The following CHAF1B variants were observed in gnomAD, a reference collection of about 807,000 sequenced individuals.
CHAF1B encodes the protein chromatin assembly factor 1 subunit B.
A neutral mutation model predicts 60.7 loss-of-function variants in CHAF1B; 10 were observed. The ratio of observed to expected loss-of-function variants is 0.16; its 90% CI spans 0.10 to 0.28. CHAF1B has a LOEUF of 0.28. CHAF1B is among the 10% of genes least tolerant of loss of function. CHAF1B has a pLI of 1.00. For missense variants in CHAF1B, 558 were observed against 708.4 expected, an observed-to-expected ratio of 0.79 and a Z score of 2.41; for synonymous variants, 261 against 266.1, an observed-to-expected ratio of 0.98 and a Z score of 0.19.
At chr21:36,409,267 C>CTG in intron 9 of CHAF1B, 107 bp from the exon 10 acceptor site, 1 of 715,092 alleles carries the variant, frequency 1.4e-6, no homozygotes, top group Non-Finnish European at 2.4e-6. Flanking sequence ...TCCCAAAGTG[C>CTG]TGGGTTTATA....
rs370681660 is a variant in CHAF1B at position 36,387,717 on chromosome 21, A to T, written c.246A>T (p.Ala82=). 2 of 1,613,934 alleles carry T rather than the reference A, an allele frequency of 1.2e-6. No homozygotes were observed. Among genetic ancestry groups the T allele is most frequent in the Non-Finnish European group, 1.7e-6 (2 of 1,180,016 alleles). ...TTTCTCCAACTGGGGAAATTTTAGC[A>T]TCGGGAGGAGATGGTGAGTATTGCT... ...VRFSPTGEIL[A]SGGDDAVILL... The change falls in exon 3 of 14, where the codon GCA becomes GCT. Residue 82 remains alanine (A), a synonymous_variant. Transcript: ENST00000314103.
chr21:36,394,730 CTTTTTTTTTT>C, intron 5 of CHAF1B, 80 bp downstream of exon 5: 1 of 538,900 alleles, frequency 1.9e-6, no homozygotes, highest in Non-Finnish European at 3.1e-6. Context: ...CTTGCTTTAA[CTTTTTTTTTT>C]TTTTTTTTTG....
At chr21:36,385,654 G>C (rs948116107) in intron 1 of CHAF1B, among the ~76,000 whole-genome samples, 5 of 151,828 alleles carry the variant, frequency 3.3e-5, no homozygotes, top group Non-Finnish European at 7.4e-5. Flanking sequence ...CCAGCGCCCG[G>C]TCCCTGGGAA....
chr21:36,396,358 C>CAAAAAAAAAAAAAAAAAAA (rs777079304), intron 5 of CHAF1B, among the ~76,000 whole-genome samples: 4 of 52,836 alleles, frequency 7.6e-5, no homozygotes, highest in African/African-American at 2.1e-4. Flanking sequence ...CCAAAAACCT[C>CAAAAAAAAAAAAAAAAAAA]AAAAAAAAAA....
chr21:36,393,327 A>G (rs538242740), intron 4 of CHAF1B, among the ~76,000 whole-genome samples: 1 of 152,208 alleles, frequency 6.6e-6, no homozygotes, highest in South Asian at 2.1e-4. Context: ...TTTTATTTAT[A>G]TGAAACAGTC....
At chr21:36,397,550 ATTTAC>A in intron 6 of CHAF1B, 39 bp downstream of exon 6, 1 of 1,155,448 alleles carries the variant, frequency 8.7e-7, no homozygotes, top group South Asian at 1.6e-5. Context: ...ATTTCTTTGT[ATTTAC>A]TTGGAATTTT....
At chr21:36,401,293 T>TTTTTGTATA (rs1343867773) in intron 7 of CHAF1B, among the ~76,000 whole-genome samples, 1 of 145,560 alleles carries the variant, frequency 6.9e-6, no homozygotes, top group Non-Finnish European at 1.5e-5. Context: ...TATATATATG[T>TTTTTGTATA]TTTTGTATAT....
At position 36,386,052 on chromosome 21, in the gene CHAF1B, A is replaced by G. The variant is rs2086029290; in HGVS notation, c.-77-8A>G. The G allele has an allele frequency of 3.2e-6, 5 of 1,549,260 alleles. No individual in the cohort carries two copies. Among genetic ancestry groups the G allele is most frequent in the Admixed American group, 1.7e-5 (1 of 57,502 alleles). On this transcript the variant is annotated splice_polypyrimidine_tract_variant and splice_region_variant and intron_variant, in intron 1 of 13. Coordinates refer to ENST00000314103, the MANE Select transcript of CHAF1B (RefSeq NM_005441.3). ...TGCTGTTAACACTGTTGTTTAATCC[A>G]TCACCAGCATTTTGCAGCTTTCTCC...
chr21:36,385,605 C>T (rs868609449), intron 1 of CHAF1B, among the ~76,000 whole-genome samples, 154 bp downstream of exon 1: 5 of 151,714 alleles, frequency 3.3e-5, no homozygotes, highest in African/African-American at 4.8e-5. Context: ...CGGCCCCGCG[C>T]GGCCTCCTCC....
chr21:36,409,299 C>A, intron 9 of CHAF1B, 75 bp from the exon 10 acceptor site: 1 of 1,251,202 alleles, frequency 8.0e-7, no homozygotes. Flanking sequence ...CCGCGCCCTG[C>A]CAAAATGTTT....
intron 5 of CHAF1B, among the ~76,000 whole-genome samples, chr21:36,395,969 A>T (rs2086133981): frequency 6.6e-6 from 1 of 150,708 alleles, no homozygotes; most frequent in Non-Finnish European, 1.5e-5. Context: ...CAGCCAAGCC[A>T]TCCTCCATCC....
intron 8 of CHAF1B, among the ~76,000 whole-genome samples, chr21:36,405,660 G>A (rs1158996502): frequency 6.6e-6 from 1 of 152,024 alleles, no homozygotes; most frequent in East Asian, 1.9e-4. Flanking sequence ...TAAACTCCTG[G>A]GCTCAAGCAC....
At chr21:36,390,512 G>C (rs1458072652) in intron 3 of CHAF1B, among the ~76,000 whole-genome samples, 1 of 152,112 alleles carries the variant, frequency 6.6e-6, no homozygotes, top group African/African-American at 2.4e-5. Context: ...GACAATGGGT[G>C]ACCTCAGGCT....
chr21:36,404,732 CTTTT>C (rs61593376), intron 8 of CHAF1B, among the ~76,000 whole-genome samples: 25 of 50,556 alleles, frequency 4.9e-4, no homozygotes, highest in African/African-American at 8.3e-4. Context: ...TTGCGCTGGC[CTTTT>C]TTTTTTTTTT....
chr21:36,402,969 A>G (rs2086204170), intron 8 of CHAF1B, 118 bp downstream of exon 8: 1 of 792,152 alleles, frequency 1.3e-6, no homozygotes, highest in Non-Finnish European at 2.1e-6. Flanking sequence ...TCCCCGACTT[A>G]CCTGCCCATT....
intron 1 of CHAF1B, among the ~76,000 whole-genome samples, chr21:36,385,652 C>G (rs1040782628): frequency 6.6e-6 from 1 of 151,830 alleles, no homozygotes; most frequent in African/African-American, 2.4e-5. Context: ...GCCCAGCGCC[C>G]GGTCCCTGGG....
At chr21:36,389,792 T>TGG in intron 3 of CHAF1B, among the ~76,000 whole-genome samples, 1 of 130,652 alleles carries the variant, frequency 7.7e-6, no homozygotes, top group Non-Finnish European at 1.5e-5. Flanking sequence ...TGTGTGTGTG[T>TGG]GTGTGTGTGC....
chr21:36,415,665 C>G (rs2086312577), intron 13 of CHAF1B: 3 of 484,592 alleles, frequency 6.2e-6, no homozygotes, highest in Non-Finnish European at 3.8e-6. Flanking sequence ...GTGGGCCAGG[C>G]AATTCTTTGT....
rs931719568 is a variant in CHAF1B at position 36,418,193 on chromosome 21, T to C, written c.*1827T>C. Reference sequence around the variant, plus strand: ...CACGCCCGGCTAATTTTTGTATTTTTAGTAGAGATGGTGTTTCACCATGTT... The same window carrying C: ...CACGCCCGGCTAATTTTTGTATTTTCAGTAGAGATGGTGTTTCACCATGTT... On this transcript the variant is annotated 3_prime_UTR_variant, in exon 14 of 14. Coordinates refer to ENST00000314103, the MANE Select transcript of CHAF1B (RefSeq NM_005441.3). 6.6e-6 allele frequency: 1 copy of C among 151,954 alleles called. No individual in the cohort carries two copies. The highest frequency in any genetic ancestry group is 2.4e-5 in the African/African-American group (1 of 41,326). The allele number at this position is 151,954 out of a possible 1,614,324, so 9.4% of individuals were successfully genotyped here.
Sources: gnomAD v4.1 joint callset for allele counts (sites outside exome capture counted in the v4.1 genomes callset) on GRCh38, gnomAD v4.1.1 for gene constraint, MANE v1.5 for transcripts, NCBI Gene and HGNC (gene_info 2026-07-23, HGNC 2026-07-21) for gene names.